The following SLC9A3 variants were observed in gnomAD, a reference collection of about 807,000 sequenced individuals.
SLC9A3 encodes the protein sodium/hydrogen exchanger 3.
A neutral mutation model predicts 86.8 loss-of-function variants in SLC9A3; 37 were observed. That is an observed-to-expected ratio of 0.43 (90% CI 0.33 to 0.56). SLC9A3 has a LOEUF of 0.56. SLC9A3 is among the 20% of genes least tolerant of loss of function. SLC9A3 has a pLI of 0.06. For missense variants in SLC9A3, 1,011 were observed against 1,171.9 expected (o/e 0.86, Z 2.00); for synonymous variants, 581 against 528.3 (o/e 1.10, Z -1.37).
intron 14 of SLC9A3, 131 bp from the exon 15 acceptor site, chr5:475,802 G>A (rs530098369): frequency 4.3e-6 from 3 of 698,480 alleles, no homozygotes; most frequent in East Asian, 2.7e-5. Context: ...GGGCTAAACC[G>A]CAGGGCTGGA....
intron 1 of SLC9A3, among the ~76,000 whole-genome samples, chr5:506,692 T>C (rs892203244): frequency 6.6e-6 from 1 of 152,190 alleles, no homozygotes; most frequent in African/African-American, 2.4e-5. Context: ...AAAATCAGAC[T>C]CCTTCAGAGA....
At position 497,397 on chromosome 5, in the gene SLC9A3, T is replaced by C. The variant is rs1192893532; in HGVS notation, c.212-5326A>G. ...CGGGTTCTTCCCTTGACAGCTGGCG[T>C]CCACCCTCGAGCATTTGCGAATGTC... On this transcript the variant is annotated intron_variant, in intron 1 of 16. Coordinates refer to ENST00000264938, the MANE Select transcript of SLC9A3 (RefSeq NM_004174.4). The surrounding 1 kb of genome is among the most constrained non-coding windows in gnomAD (Gnocchi z 5.4). 2.0e-5 allele frequency among the ~76,000 whole-genome samples: 3 copies of C among 152,146 alleles called. No homozygotes were observed. Among genetic ancestry groups the C allele is most frequent in the Non-Finnish European group, 2.9e-5 (2 of 68,030 alleles).
chr5:474,983 G>T lies in SLC9A3; in HGVS notation c.2401C>A (p.Leu801Met). The change falls in exon 16 of 17, where the codon CTG becomes ATG. Residue 801 changes from leucine (L) to methionine (M), a missense_variant. Transcript: ENST00000264938. Reference sequence around the variant, plus strand: ...TTGCTGCTGAGGCGGAAGGGCATCAGGCGGCAGAAGGTGCCGGGAGAGTAG... The same window carrying T: ...TTGCTGCTGAGGCGGAAGGGCATCATGCGGCAGAAGGTGCCGGGAGAGTAG... ...IPYSPGTFCR[L>M]MPFRLSSKSV... is the part of the protein sequence containing the mutation. The T allele has an allele frequency of 6.2e-7, 1 of 1,611,712 alleles. No homozygotes were observed. The highest frequency in any genetic ancestry group is 8.5e-7 in the Non-Finnish European group (1 of 1,179,332).
At chr5:475,728 C>A in intron 14 of SLC9A3, 57 bp from the exon 15 acceptor site, 2 of 982,026 alleles carry the variant, frequency 2.0e-6, no homozygotes, top group Admixed American at 2.0e-5. Context: ...TCCTCACAGC[C>A]CAGTCAGCAG....
rs1444197807 is a variant in SLC9A3, at chr5:476,668, C to T, written c.1765G>A (p.Glu589Lys). The T allele has an allele frequency of 1.9e-6, 3 of 1,604,028 alleles. No individual in the cohort carries two copies. Among genetic ancestry groups the T allele is most frequent in the Non-Finnish European group, 2.5e-6 (3 of 1,179,816 alleles). The change falls in exon 12 of 17, where the codon GAA becomes AAA. Residue 589 changes from glutamate to lysine, a missense_variant. By Grantham distance (56) the Glu-to-Lys change is moderately conservative. Transcript: ENST00000264938. ...TCCAGGCAGACAGCGCTGACATTTT[C>T]TCTCCTGCGTGGGGACCAGCGCTGA... ...VEASVSYLLR[E>K]NVSAVCLDMQ... is the part of the protein sequence containing the mutation.
intron 1 of SLC9A3, among the ~76,000 whole-genome samples, chr5:498,046 G>C (rs1373743220): frequency 6.6e-6 from 1 of 152,222 alleles, no homozygotes; most frequent in Non-Finnish European, 1.5e-5. Flanking sequence ...CAAGGATGCT[G>C]TTTTGCCTCT....
In SLC9A3 at chr5:481,291, G is replaced by A. The variant is rs59449497; in HGVS notation, c.1517+274C>T. Among the ~76,000 whole-genome samples the A allele has an allele frequency of 9.8e-5, 15 of 152,290 alleles. No individual in the cohort carries two copies. In the East Asian group the frequency reaches 1.9e-3, roughly 20 times the overall value. ...TACATAACAATTTGGAATTAATTGGGCCACATGAGAGGGCATCTCTATTCC... is the reference window on the plus strand; with the variant it reads ...TACATAACAATTTGGAATTAATTGGACCACATGAGAGGGCATCTCTATTCC... On this transcript the variant is annotated intron_variant, in intron 9 of 16. Coordinates refer to ENST00000264938, the MANE Select transcript of SLC9A3 (RefSeq NM_004174.4).
intron 1 of SLC9A3, among the ~76,000 whole-genome samples, chr5:523,163 C>G (rs1266553321): frequency 2.6e-5 from 4 of 152,176 alleles, no homozygotes; most frequent in African/African-American, 4.8e-5. Context: ...CGGCAGGCGT[C>G]ACTGAAGGAA....
intron 9 of SLC9A3, 82 bp from the exon 10 acceptor site, chr5:480,047 C>T (rs1739062759): frequency 6.6e-7 from 1 of 1,519,026 alleles, no homozygotes; most frequent in East Asian, 2.3e-5. Flanking sequence ...CCCCTTCTCT[C>T]CTGAATTTTG....
Position 472,630 on chromosome 5 carries a change from T to C in SLC9A3, c.*749A>G. The stretch of plus-strand genomic sequence containing the variant: ...ACGGGGCAGGTACTGGCTTTAGGAG[T>C]CTAAATCCCCAAACGCTGAGCAGAC... On this transcript the variant is annotated 3_prime_UTR_variant, in exon 17 of 17. Transcript: ENST00000264938. 2.2e-6 allele frequency: 1 copy of C among 445,826 alleles called. No homozygotes were observed. Among genetic ancestry groups the C allele is most frequent in the Non-Finnish European group, 4.4e-6 (1 of 225,736 alleles). The allele number at this position is 445,826 out of a possible 1,614,324, so 27.6% of individuals were successfully genotyped here. A position where few individuals can be genotyped will look rare whatever the true frequency, so the allele number is the denominator to read the frequency against.
At chr5:524,001 C>T in intron 1 of SLC9A3, 111 bp downstream of exon 1, 1 of 599,640 alleles carries the variant, frequency 1.7e-6, no homozygotes, top group Non-Finnish European at 2.6e-6. Flanking sequence ...CTCTCCCGGG[C>T]GGCCGCCGCG....
chr5:481,306 A>AC (rs1739148614), intron 9 of SLC9A3, among the ~76,000 whole-genome samples: 2 of 152,224 alleles, frequency 1.3e-5, no homozygotes, highest in African/African-American at 4.8e-5. Context: ...ATGAGAGGGC[A>AC]TCTCTATTCC....
rs1407073460 is a variant in SLC9A3, at chr5:488,448, G to C, written c.543C>G (p.Phe181Leu). ...CCGCCATGAGGCTGCCAAACAGGAG[G>C]AAGTCCAGCAGCCCAATCTGCAGGT... ...MGDLQIGLLD[F>L]LLFGSLMAAV... Residue 181 changes from phenylalanine (F) to leucine (L), a missense_variant, in exon 3 of 17, where the codon TTC becomes TTG. Coordinates refer to ENST00000264938, the MANE Select transcript of SLC9A3 (RefSeq NM_004174.4). 1 of 1,589,306 alleles carries C rather than the reference G, an allele frequency of 6.3e-7. No individual in the cohort carries two copies. The highest frequency in any genetic ancestry group is 8.6e-7 in the Non-Finnish European group (1 of 1,164,968).
chr5:518,693 G>T (rs946281595), intron 1 of SLC9A3, among the ~76,000 whole-genome samples: 1 of 152,216 alleles, frequency 6.6e-6, no homozygotes, highest in African/African-American at 2.4e-5. Context: ...TGGCCACGCT[G>T]GGAGAGCTCA....
intron 1 of SLC9A3, among the ~76,000 whole-genome samples, chr5:508,338 C>G (rs917678494): frequency 1.8e-4 from 27 of 147,878 alleles, no homozygotes; most frequent in African/African-American, 6.8e-4. Flanking sequence ...ATAGAGATGC[C>G]GCAGGGAGAC....
chr5:476,283 C>T lies in SLC9A3; in HGVS notation c.1986G>A (p.Glu662=), dbSNP rs200755337. ...IFHRTMRKRL[E]SFKSTKLGLN... is the part of the protein sequence containing the mutation. ...GCCCCAGCTTGGTCGACTTGAAGGACTCCAGGCGCTTCCGCATGGTCCTGT... is the reference window on the plus strand; with the variant it reads ...GCCCCAGCTTGGTCGACTTGAAGGATTCCAGGCGCTTCCGCATGGTCCTGT... Residue 662 remains glutamate, a synonymous_variant, in exon 13 of 17, where the codon GAG becomes GAA. Coordinates refer to ENST00000264938, the MANE Select transcript of SLC9A3 (RefSeq NM_004174.4). The T allele has an allele frequency of 4.3e-6, 7 of 1,614,036 alleles. No individual in the cohort carries two copies. Among genetic ancestry groups the T allele is most frequent in the East Asian group, 2.2e-5 (1 of 44,882 alleles).
rs1464213077 is a variant in SLC9A3, at chr5:524,221, G to C, written c.102C>G (p.Gly34=). Residue 34 remains glycine, a synonymous_variant, in exon 1 of 17, where the codon GGC becomes GGG. Coordinates refer to ENST00000264938, the MANE Select transcript of SLC9A3 (RefSeq NM_004174.4). ...RAGGVEVEPG[G]AHGESGGFQV... is the part of the protein sequence containing the mutation. ...GGAAGCCCCCGCTCTCGCCGTGCGCGCCGCCGGGCTCCACCTCGACGCCCC... is the reference window on the plus strand; with the variant it reads ...GGAAGCCCCCGCTCTCGCCGTGCGCCCCGCCGGGCTCCACCTCGACGCCCC... 25 of 1,510,594 alleles carry C rather than the reference G, an allele frequency of 1.7e-5. No homozygotes were observed. The highest frequency in any genetic ancestry group is 2.2e-5 in the Non-Finnish European group (25 of 1,130,436). The allele number at this position is 1,510,594 out of a possible 1,614,324, so 93.6% of individuals were successfully genotyped here. A position where few individuals can be genotyped will look rare whatever the true frequency, so the allele number is the denominator to read the frequency against.
intron 1 of SLC9A3, among the ~76,000 whole-genome samples, chr5:511,566 G>A (rs1740869811): frequency 6.6e-6 from 1 of 152,232 alleles, no homozygotes; most frequent in Admixed American, 6.5e-5. Context: ...TCATGGCGGA[G>A]CTGCAAATTA....
chr5:471,724 T>G lies in SLC9A3; in HGVS notation c.*1655A>C. ...AGAATAACCACTGAATCCCAAAAAG[T>G]CACTGCGCTTGATCTGATCCAAGTA... is the stretch of plus-strand genomic sequence containing the variant. On this transcript the variant is annotated 3_prime_UTR_variant, in exon 17 of 17. Coordinates refer to ENST00000264938, the MANE Select transcript of SLC9A3 (RefSeq NM_004174.4). 1 of 445,118 alleles carries G rather than the reference T, an allele frequency of 2.2e-6. No individual in the cohort carries two copies. The allele number at this position is 445,118 out of a possible 1,614,324, so 27.6% of individuals were successfully genotyped here. A position where few individuals can be genotyped will look rare whatever the true frequency, so the allele number is the denominator to read the frequency against.
Sources: allele counts gnomAD v4.1 joint callset (sites outside exome capture counted in the v4.1 genomes callset), GRCh38; gene constraint gnomAD v4.1.1; non-coding constraint Gnocchi (gnomAD v3.1); transcripts MANE v1.5; gene names NCBI Gene and HGNC (gene_info 2026-07-23, HGNC 2026-07-21).